The following EYS variants were observed in gnomAD, a reference collection of about 807,000 sequenced individuals.
EYS encodes the protein protein eyes shut homolog.
EYS carries 250 observed loss-of-function variants against 282.1 expected under a neutral mutation model. The observed-to-expected ratio is 0.89, with a 90% confidence interval of 0.80 to 0.98. EYS has a LOEUF of 0.98. Among genes scored for constraint, EYS ranks in the 50% least tolerant of loss-of-function variants. The pLI is 0.00. For synonymous variants in EYS, 1,355 were observed against 1,282.9 expected (o/e 1.06, Z -1.20); for missense variants, 4,016 against 3,709.0 (o/e 1.08, Z -2.15).
chr6:64,591,262 G>T lies in EYS; in HGVS notation c.4605C>A (p.Asn1535Lys). 1.3e-6 allele frequency: 2 copies of T among 1,551,348 alleles called. No homozygotes were observed. Among genetic ancestry groups the T allele is most frequent in the East Asian group, 2.4e-5 (1 of 40,904 alleles). Residue 1535 changes from asparagine to lysine, a missense_variant, in exon 26 of 43, where the codon AAC (asparagine) becomes AAA (lysine). Asn to Lys is a moderately conservative substitution (Grantham distance 94). Transcript: ENST00000503581. Reference sequence around the variant, plus strand: ...GTGATTTGATGTTTGTGAGTCTCTGGTTGCTTGAAGCCTCAGTAATAGCCT... The same window carrying T: ...GTGATTTGATGTTTGTGAGTCTCTGTTTGCTTGAAGCCTCAGTAATAGCCT... ...EYQAITEASS[N>K]QRLTNIKSQA...
intron 11 of EYS, among the ~76,000 whole-genome samples, chr6:65,307,969 A>T (rs1289235153): frequency 2.6e-5 from 4 of 150,954 alleles, no homozygotes; most frequent in African/African-American, 4.9e-5. Context: ...TTTTATTTTT[A>T]TTTATTTATT....
intron 2 of EYS, among the ~76,000 whole-genome samples, chr6:65,601,371 CCT>C (rs1298337468): frequency 6.6e-6 from 1 of 151,452 alleles, no homozygotes; most frequent in Admixed American, 6.6e-5. Flanking sequence ...TGTATAAATC[CCT>C]CTTATCAGTC....
chr6:64,527,291 T>C (rs1582854774), intron 26 of EYS, among the ~76,000 whole-genome samples: 1 of 151,742 alleles, frequency 6.6e-6, no homozygotes, highest in African/African-American at 2.4e-5. Flanking sequence ...AAAACAGGAA[T>C]AGAAAAATGG....
At chr6:64,906,260 T>C (rs1767823467) in intron 16 of EYS, among the ~76,000 whole-genome samples, 2 of 151,850 alleles carry the variant, frequency 1.3e-5, no homozygotes, top group Non-Finnish European at 2.9e-5. Context: ...TTTTAACATC[T>C]ATTTTTAAAG....
chr6:64,170,434 C>T (rs1453129562), intron 31 of EYS, among the ~76,000 whole-genome samples: 1 of 151,994 alleles, frequency 6.6e-6, no homozygotes, highest in African/African-American at 2.4e-5. Context: ...AAAATCAAGG[C>T]ATCAGCAAGG....
chr6:65,660,356 T>A (rs1360874900), intron 1 of EYS, among the ~76,000 whole-genome samples: 1 of 151,860 alleles, frequency 6.6e-6, no homozygotes, highest in African/African-American at 2.4e-5. Flanking sequence ...TTTTCTCTTG[T>A]ATTTATTTAA....
intron 12 of EYS, among the ~76,000 whole-genome samples, chr6:65,226,989 C>T (rs1009703142): frequency 3.3e-5 from 5 of 152,018 alleles, no homozygotes; most frequent in African/African-American, 1.2e-4. Flanking sequence ...AATCCCAGCA[C>T]TTTGGGAGGC....
chr6:64,479,355 C>A (rs1426037349), intron 26 of EYS, among the ~76,000 whole-genome samples: 1 of 151,936 alleles, frequency 6.6e-6, no homozygotes, highest in African/African-American at 2.4e-5. Flanking sequence ...TTGCCTGCTC[C>A]ATAAAATTCA....
At chr6:65,123,750 C>CACA (rs1561978164) in intron 12 of EYS, among the ~76,000 whole-genome samples, 1 of 140,776 alleles carries the variant, frequency 7.1e-6, no homozygotes, top group African/African-American at 2.9e-5. Context: ...CTTATAACAC[C>CACA]CACCCACCCA....
intron 5 of EYS, among the ~76,000 whole-genome samples, chr6:65,433,719 T>G (rs531913196): frequency 2.0e-5 from 3 of 152,314 alleles, no homozygotes; most frequent in African/African-American, 7.2e-5. Flanking sequence ...TATTTGTTAA[T>G]AAAAATGGTA....
chr6:64,130,381 C>G (rs1262707890), intron 31 of EYS, among the ~76,000 whole-genome samples: 1 of 151,972 alleles, frequency 6.6e-6, no homozygotes, highest in Non-Finnish European at 1.5e-5. Flanking sequence ...GTCACAAGGA[C>G]AAAAAACCAA....
intron 19 of EYS, among the ~76,000 whole-genome samples, chr6:64,841,107 A>G (rs909403383): frequency 1.3e-5 from 2 of 152,126 alleles, no homozygotes; most frequent in South Asian, 2.1e-4. Context: ...TGTTTTATGT[A>G]CCTGTGTCTA....
chr6:64,711,593 G>C (rs539557910), intron 22 of EYS, among the ~76,000 whole-genome samples: 1 of 152,026 alleles, frequency 6.6e-6, no homozygotes, highest in African/African-American at 2.4e-5. Flanking sequence ...ATAATGAATC[G>C]GCTCATTCTT....
At chr6:65,185,429 A>C (rs1160490188) in intron 12 of EYS, among the ~76,000 whole-genome samples, 1 of 151,878 alleles carries the variant, frequency 6.6e-6, no homozygotes, top group Non-Finnish European at 1.5e-5. Flanking sequence ...TAGAGAGCTG[A>C]GCTGAAAGAC....
chr6:63,794,108 TCTCTGGGAAATAA>T, intron 37 of EYS, among the ~76,000 whole-genome samples: 1 of 152,332 alleles, frequency 6.6e-6, no homozygotes, highest in South Asian at 2.1e-4. Context: ...CAAATGCTTC[TCTCTGGGAAATAA>T]GAAGGGATAA....
chr6:64,546,916 C>T (rs1249847218), intron 26 of EYS, among the ~76,000 whole-genome samples: 1 of 152,138 alleles, frequency 6.6e-6, no homozygotes, highest in Non-Finnish European at 1.5e-5. Flanking sequence ...CATTTTTACA[C>T]TGTTGGTGCT....
intron 22 of EYS, among the ~76,000 whole-genome samples, chr6:64,764,149 TG>T (rs1773250053): frequency 6.6e-6 from 1 of 152,172 alleles, no homozygotes; most frequent in African/African-American, 2.4e-5. Context: ...AATGGCTCAG[TG>T]GGGACACTAT....
At chr6:64,446,387 A>C (rs567252795) in intron 26 of EYS, among the ~76,000 whole-genome samples, 1 of 152,238 alleles carries the variant, frequency 6.6e-6, no homozygotes, top group Non-Finnish European at 1.5e-5. Context: ...AGAAGAAATG[A>C]ATAATAGAAA....
chr6:64,658,893 A>G (rs1303007330), intron 22 of EYS, among the ~76,000 whole-genome samples: 4 of 152,246 alleles, frequency 2.6e-5, no homozygotes, highest in African/African-American at 9.6e-5. Flanking sequence ...TGGACCTAAT[A>G]GACATCTTCA....
Sources: allele counts gnomAD v4.1 joint callset (sites outside exome capture counted in the v4.1 genomes callset), GRCh38; gene constraint gnomAD v4.1.1; transcripts MANE v1.5; gene names NCBI Gene and HGNC (gene_info 2026-07-23, HGNC 2026-07-21).